LY96: variants seen among roughly 807,000 people sequenced by gnomAD.
The protein encoded by LY96 is myeloid differentiation protein-2.
A neutral mutation model predicts 18.9 loss-of-function variants in LY96; 18 were observed. The ratio of observed to expected loss-of-function variants is 0.95; its 90% CI spans 0.66 to 1.41. The LOEUF is 1.41. Ranked by LOEUF, LY96 falls within the 40% of genes most tolerant of loss-of-function variation. The probability of loss-of-function intolerance (pLI) is 0.00; values close to 1 mark genes in which losing one functional copy is unlikely to be tolerated. For synonymous variants in LY96, 66 were observed against 62.6 expected (o/e 1.06, Z -0.26); for missense variants, 175 against 182.4 (o/e 0.96, Z 0.23).
Position 74,009,996 on chromosome 8 carries a change from T to C in LY96, c.203-5T>C. ...GAGGGCCTAATGGGATTTTTTCTTT[T>C]AAAGGGAGAGATTTAAAGCAATTAT... On this transcript the variant is annotated splice_polypyrimidine_tract_variant and splice_region_variant and intron_variant, in intron 2 of 4. Transcript: ENST00000284818. The C allele has an allele frequency of 6.3e-7, 1 of 1,592,022 alleles. No homozygotes were observed. Among genetic ancestry groups the C allele is most frequent in the South Asian group, 1.1e-5 (1 of 90,628 alleles).
chr8:74,098,757 C>T, the LY96 span, among the ~76,000 whole-genome samples: 1 of 152,154 alleles, frequency 6.6e-6, no homozygotes, highest in Non-Finnish European at 1.5e-5. Context: ...TATTATTAGC[C>T]CTTTTAGAAT....
chr8:74,074,192 A>G, the LY96 span, among the ~76,000 whole-genome samples: 4,486 of 150,178 alleles, frequency 0.03, 216 homozygotes, highest in African/African-American at 0.1. Context: ...TAGAGACAGG[A>G]TTTCATCATG....
At chr8:74,066,990 A>G in the LY96 span, among the ~76,000 whole-genome samples, 1 of 152,232 alleles carries the variant, frequency 6.6e-6, no homozygotes, top group Non-Finnish European at 1.5e-5. Context: ...AGGAGTTGAC[A>G]GTAGTTCATT....
the LY96 span, among the ~76,000 whole-genome samples, chr8:74,076,056 T>C: frequency 2.0e-5 from 3 of 151,918 alleles, no homozygotes; most frequent in Non-Finnish European, 4.4e-5. Context: ...TAGCTGGACC[T>C]TTTTACCCCT....
chr8:74,082,608 G>A, the LY96 span, among the ~76,000 whole-genome samples: 22 of 152,244 alleles, frequency 1.4e-4, no homozygotes, highest in East Asian at 3.5e-3. Context: ...TCATAGCTGA[G>A]GCTCCTATAA....
the LY96 span, among the ~76,000 whole-genome samples, chr8:74,090,344 G>A: frequency 6.6e-6 from 1 of 152,182 alleles, no homozygotes; most frequent in Non-Finnish European, 1.5e-5. Flanking sequence ...GGTGCTTAGT[G>A]AATATGTATT....
intron 1 of LY96, among the ~76,000 whole-genome samples, chr8:74,002,095 C>CTTTCTT (rs1185010034): frequency 0.019 from 241 of 12,600 alleles, 36 homozygotes; most frequent in South Asian, 0.026. Flanking sequence ...TTCTTTCTTT[C>CTTTCTT]TCTCTCTCTC....
downstream of LY96, among the ~76,000 whole-genome samples, chr8:74,032,977 G>T (rs571370399): frequency 1.3e-5 from 2 of 152,242 alleles, no homozygotes; most frequent in South Asian, 4.2e-4. Context: ...AGCCATGTGG[G>T]ACTGGCTTTA....
chr8:74,072,039 GA>G, the LY96 span, among the ~76,000 whole-genome samples: 3 of 152,108 alleles, frequency 2.0e-5, no homozygotes, highest in African/African-American at 7.2e-5. Context: ...AGATAAATAG[GA>G]ATGGGATTAC....
the LY96 span, chr8:74,099,796 G>C: frequency 1.3e-5 from 2 of 152,076 alleles, no homozygotes; most frequent in African/African-American, 4.8e-5. Flanking sequence ...CCAGCCTCTG[G>C]GAATGGCCAC....
the LY96 span, among the ~76,000 whole-genome samples, chr8:74,090,232 G>T: frequency 1.3e-5 from 2 of 152,072 alleles, no homozygotes; most frequent in Admixed American, 1.3e-4. Context: ...ATGAAAAGTG[G>T]TCAGATTCTA....
the LY96 span, among the ~76,000 whole-genome samples, chr8:74,054,537 T>A: frequency 2.1e-5 from 2 of 96,332 alleles, no homozygotes; most frequent in Non-Finnish European, 4.2e-5. Flanking sequence ...CCTTCCTTCC[T>A]TCCTTCCTTC....
the LY96 span, among the ~76,000 whole-genome samples, chr8:74,049,842 A>G: frequency 1.3e-5 from 2 of 152,126 alleles, no homozygotes; most frequent in African/African-American, 4.8e-5. Context: ...TGTATTGATC[A>G]ATTAATAAGT....
chr8:73,991,430 G>A lies in LY96; in HGVS notation c.-13G>A. 7.2e-7 allele frequency: 1 copy of A among 1,386,150 alleles called. No homozygotes were observed. 85.9% of individuals were successfully genotyped at this position (1,386,150 alleles called of 1,614,324 possible). On this transcript the variant is annotated 5_prime_UTR_variant, in exon 1 of 5. Transcript: ENST00000284818. ...TCCTCTTTGCATTTGTAAAGCTTTG[G>A]AGATATTGAATCATGTTACCATTTC...
At chr8:74,097,975 A>G in the LY96 span, among the ~76,000 whole-genome samples, 4 of 152,130 alleles carry the variant, frequency 2.6e-5, no homozygotes, top group African/African-American at 9.7e-5. Context: ...GTACTACATA[A>G]TGTTGGTTAA....
chr8:74,003,336 G>T (rs1219800442), intron 1 of LY96, among the ~76,000 whole-genome samples: 2 of 152,226 alleles, frequency 1.3e-5, no homozygotes, highest in African/African-American at 2.4e-5. Context: ...TTCTAAAAGG[G>T]GGTGGGCTAG....
At chr8:74,068,081 A>AT in the LY96 span, among the ~76,000 whole-genome samples, 20 of 95,376 alleles carry the variant, frequency 2.1e-4, 2 homozygotes, top group African/African-American at 1.2e-3. Flanking sequence ...AAAAAAAAAA[A>AT]AAAAAAAAAT....
chr8:74,028,749 T>C (rs922699020), intron 4 of LY96, among the ~76,000 whole-genome samples: 1 of 152,234 alleles, frequency 6.6e-6, no homozygotes, highest in Non-Finnish European at 1.5e-5. Context: ...GGTTAGTTTT[T>C]AAAAATAACA....
downstream of LY96, among the ~76,000 whole-genome samples, chr8:74,032,207 G>C (rs1211838295): frequency 6.6e-6 from 1 of 152,158 alleles, no homozygotes; most frequent in Admixed American, 6.5e-5. Flanking sequence ...TTGTGTAAAT[G>C]AATTGTTCCA....
Sources: gnomAD v4.1 joint callset for allele counts (sites outside exome capture counted in the v4.1 genomes callset) on GRCh38, gnomAD v4.1.1 for gene constraint, MANE v1.5 for transcripts, NCBI Gene and HGNC (gene_info 2026-07-23, HGNC 2026-07-21) for gene names.